Variants in RAPGEF5 observed in about 807,000 individuals in gnomAD.
RAPGEF5 encodes the protein Rap guanine nucleotide exchange factor 5, also known as M-Ras-regulated GEF.
RAPGEF5 carries 65 observed loss-of-function variants against 125.2 expected under a neutral mutation model. That is an observed-to-expected ratio of 0.52 (90% CI 0.43 to 0.64). The LOEUF (loss-of-function observed/expected upper bound fraction) is 0.64, where lower values mean the gene tolerates loss of function less well. Ranked by LOEUF, RAPGEF5 falls within the 30% of genes least tolerant of loss-of-function variation. The probability of loss-of-function intolerance (pLI) is 0.00; values close to 1 mark genes in which losing one functional copy is unlikely to be tolerated. For missense variants in RAPGEF5, 958 were observed against 1,048.1 expected, an observed-to-expected ratio of 0.91 and a Z score of 1.19; for synonymous variants, 391 against 385.9, an observed-to-expected ratio of 1.01 and a Z score of -0.16.
chr7:22,206,688 GAAA>G (rs1202149831), intron 9 of RAPGEF5, among the ~76,000 whole-genome samples: 2 of 62,614 alleles, frequency 3.2e-5, no homozygotes, highest in East Asian at 5.3e-4. Flanking sequence ...CATGTCACAA[GAAA>G]AAAAAAAAAA....
intron 23 of RAPGEF5, among the ~76,000 whole-genome samples, chr7:22,132,377 TC>T (rs1417257663): frequency 2.4e-5 from 1 of 41,606 alleles, no homozygotes; most frequent in African/African-American, 6.5e-5. Context: ...TCCTTTCCTC[TC>T]TTTTTTTTTT....
At chr7:22,200,759 T>C (rs1409496500) in intron 9 of RAPGEF5, among the ~76,000 whole-genome samples, 1 of 152,200 alleles carries the variant, frequency 6.6e-6, no homozygotes, top group Non-Finnish European at 1.5e-5. Flanking sequence ...AATATCATCA[T>C]ACAAAACAAC....
chr7:22,150,314 C>A, intron 18 of RAPGEF5, 93 bp downstream of exon 18: 1 of 1,290,896 alleles, frequency 7.7e-7, no homozygotes, highest in South Asian at 1.5e-5. Flanking sequence ...CTCAAGCCAT[C>A]TTCCTGCCTT....
intron 21 of RAPGEF5, among the ~76,000 whole-genome samples, chr7:22,138,179 C>T (rs888792207): frequency 2.0e-5 from 3 of 152,160 alleles, no homozygotes; most frequent in African/African-American, 7.2e-5. Flanking sequence ...GTCCCAGTGG[C>T]ACCTCAAACC....
intron 1 of RAPGEF5, among the ~76,000 whole-genome samples, chr7:22,331,744 CAAAAAAAA>C (rs11406166): frequency 3.2e-5 from 3 of 94,906 alleles, no homozygotes; most frequent in Non-Finnish European, 4.1e-5. Context: ...GACTCCATCT[CAAAAAAAA>C]AAAAAAAAAG....
chr7:22,220,116 T>G (rs1442991850), intron 8 of RAPGEF5, 125 bp from the exon 9 acceptor site: 1 of 1,267,724 alleles, frequency 7.9e-7, no homozygotes, highest in African/African-American at 1.5e-5. Flanking sequence ...ATGGTCTTGG[T>G]AAAATATTTT....
At chr7:22,274,616 C>A (rs1239477725) in intron 6 of RAPGEF5, among the ~76,000 whole-genome samples, 5 of 152,300 alleles carry the variant, frequency 3.3e-5, no homozygotes, top group South Asian at 2.1e-4. Context: ...AGCAGTGAGC[C>A]ACTGAACCTA....
chr7:22,200,614 T>C (rs1404425858), intron 9 of RAPGEF5, among the ~76,000 whole-genome samples: 2 of 152,188 alleles, frequency 1.3e-5, no homozygotes, highest in Non-Finnish European at 2.9e-5. Context: ...GTCTGACTTT[T>C]ATAGATATGA....
At chr7:22,194,665 A>G in intron 9 of RAPGEF5, 1 of 985,162 alleles carries the variant, frequency 1.0e-6, no homozygotes, top group Non-Finnish European at 1.2e-6. Flanking sequence ...ATGGATCTCT[A>G]GTTAGAATCT....
rs189690221 is a variant in RAPGEF5, at chr7:22,322,793, T to G, written c.232-4756A>C. Among the ~76,000 whole-genome samples, 74 of 152,288 alleles carry G rather than the reference T, an allele frequency of 4.9e-4. 1 individual carries two copies. The East Asian group carries it at 0.01, about 21-fold the overall frequency. ...AAGGACCCACCCCAAACATACTGAA[T>G]TAGAATCTCTACGAGGAGACCTGGG... is the stretch of plus-strand genomic sequence containing the variant. On this transcript the variant is annotated intron_variant, in intron 1 of 25. Transcript: ENST00000665637.
At chr7:22,326,038 T>C (rs1357008010) in intron 1 of RAPGEF5, among the ~76,000 whole-genome samples, 2 of 152,242 alleles carry the variant, frequency 1.3e-5, no homozygotes, top group Non-Finnish European at 2.9e-5. Flanking sequence ...GAAATAAACC[T>C]TGGAGTAGCC....
intron 6 of RAPGEF5, among the ~76,000 whole-genome samples, chr7:22,274,493 C>A (rs1050485957): frequency 6.6e-6 from 1 of 151,942 alleles, no homozygotes; most frequent in African/African-American, 2.4e-5. Context: ...CCAGGCCTGG[C>A]TAATTTTTTA....
intron 7 of RAPGEF5, among the ~76,000 whole-genome samples, chr7:22,255,670 T>A (rs1400330142): frequency 1.3e-5 from 2 of 152,170 alleles, no homozygotes; most frequent in African/African-American, 2.4e-5. Context: ...TATTGTAATA[T>A]CTTAGTAAAA....
intron 6 of RAPGEF5, among the ~76,000 whole-genome samples, chr7:22,290,096 G>A (rs1278434921): frequency 6.6e-6 from 1 of 152,182 alleles, no homozygotes; most frequent in Non-Finnish European, 1.5e-5. Context: ...TTTCTAAGCT[G>A]CATTCCAGAA....
At chr7:22,188,945 C>G (rs1266090627) in intron 11 of RAPGEF5, among the ~76,000 whole-genome samples, 1 of 151,342 alleles carries the variant, frequency 6.6e-6, no homozygotes, top group Non-Finnish European at 1.5e-5. Flanking sequence ...TGCTAAACGC[C>G]AGCTCCCCAA....
intron 11 of RAPGEF5, among the ~76,000 whole-genome samples, chr7:22,189,783 G>A (rs1784935838): frequency 6.6e-6 from 1 of 152,096 alleles, no homozygotes; most frequent in South Asian, 2.1e-4. Flanking sequence ...TCAGACAAAA[G>A]AAGAAATGTT....
rs190349522 is a variant in RAPGEF5, at chr7:22,170,374, T to C, written c.1205-3226A>G. ...CTGGCCAACAGAGTAGCTTTGAATCTAGTTTAGGGTTTTCAATGGCTCTTG... is the reference window on the plus strand; with the variant it reads ...CTGGCCAACAGAGTAGCTTTGAATCCAGTTTAGGGTTTTCAATGGCTCTTG... On this transcript the variant is annotated intron_variant, in intron 11 of 25. Coordinates refer to ENST00000665637, the MANE Select transcript of RAPGEF5 (RefSeq NM_012294.5). Among the ~76,000 whole-genome samples the C allele has an allele frequency of 1.3e-3, 204 of 152,290 alleles. 1 individual carries two copies. The highest frequency in any genetic ancestry group is 6.3e-4 in the Non-Finnish European group (43 of 68,028).
At position 22,237,079 on chromosome 7, in the gene RAPGEF5, C is replaced by T. The variant is rs148171285; in HGVS notation, c.797-6160G>A. 5.6e-4 allele frequency among the ~76,000 whole-genome samples: 86 copies of T among 152,314 alleles called. No individual in the cohort carries two copies. In the Middle Eastern group the frequency reaches 0.01, roughly 18 times the overall value. On this transcript the variant is annotated intron_variant, in intron 7 of 25. Transcript: ENST00000665637. The stretch of plus-strand genomic sequence containing the variant: ...TCCCTGCCTTCACCAGGTGAAATTA[C>T]TCTTGTCCACCGGGCTCCCCAGCCC...
intron 11 of RAPGEF5, among the ~76,000 whole-genome samples, chr7:22,188,583 G>A (rs1335697902): frequency 1.3e-5 from 2 of 151,924 alleles, no homozygotes. Flanking sequence ...TGGCCAACAT[G>A]GTGAAACCCT....
Sources: gnomAD v4.1 joint callset for allele counts (sites outside exome capture counted in the v4.1 genomes callset) on GRCh38, gnomAD v4.1.1 for gene constraint, MANE v1.5 for transcripts, NCBI Gene and HGNC (gene_info 2026-07-23, HGNC 2026-07-21) for gene names.